ST6GALNAC3: variants seen among roughly 807,000 people sequenced by gnomAD.
ST6GALNAC3 encodes alpha-N-acetylgalactosaminide alpha-2,6-sialyltransferase 3.
ST6GALNAC3 carries 25 observed loss-of-function variants against 32.7 expected under a neutral mutation model. That is an observed-to-expected ratio of 0.76 (90% CI 0.56 to 1.07). The LOEUF is 1.07. ST6GALNAC3 is among the 50% of genes least tolerant of loss of function. The pLI, the probability that ST6GALNAC3 is intolerant of heterozygous loss-of-function variation, is 0.00. For missense variants in ST6GALNAC3, 355 were observed against 382.4 expected, an observed-to-expected ratio of 0.93 and a Z score of 0.60; for synonymous variants, 129 against 133.1, an observed-to-expected ratio of 0.97 and a Z score of 0.21.
chr1:76,288,390 A>G (rs768725708), intron 1 of ST6GALNAC3, among the ~76,000 whole-genome samples: 13 of 152,176 alleles, frequency 8.5e-5, no homozygotes, highest in Non-Finnish European at 1.6e-4. Context: ...TAGACAGCAA[A>G]CTACATCAGA....
At chr1:76,421,992 CT>C (rs1255736971) in intron 3 of ST6GALNAC3, among the ~76,000 whole-genome samples, 5 of 151,848 alleles carry the variant, frequency 3.3e-5, no homozygotes, top group African/African-American at 1.2e-4. Context: ...TTTTCCTTAC[CT>C]TGTTCTATTT....
At chr1:76,285,001 C>A (rs1393280185) in intron 1 of ST6GALNAC3, among the ~76,000 whole-genome samples, 1 of 152,104 alleles carries the variant, frequency 6.6e-6, no homozygotes, top group Non-Finnish European at 1.5e-5. Context: ...CTTCACCCAG[C>A]CAGCTCTCAG....
At chr1:76,307,897 C>T (rs760158917) in intron 1 of ST6GALNAC3, 28 of 516,048 alleles carry the variant, frequency 5.4e-5, no homozygotes, top group Non-Finnish European at 8.9e-5. Context: ...ATAGGTATTT[C>T]TCCTATGAAG....
intron 1 of ST6GALNAC3, among the ~76,000 whole-genome samples, chr1:76,272,518 T>C (rs1164477009): frequency 1.3e-5 from 2 of 152,134 alleles, no homozygotes; most frequent in African/African-American, 4.8e-5. Context: ...AGCCTCAGGC[T>C]TCCTCATTTG....
intron 1 of ST6GALNAC3, among the ~76,000 whole-genome samples, chr1:76,091,273 A>T (rs1286920966): frequency 6.6e-6 from 1 of 152,270 alleles, no homozygotes; most frequent in African/African-American, 2.4e-5. Context: ...CTATTAATGT[A>T]GGTGTTGAAA....
intron 2 of ST6GALNAC3, among the ~76,000 whole-genome samples, chr1:76,326,308 G>A (rs912500158): frequency 6.6e-6 from 1 of 152,144 alleles, no homozygotes; most frequent in African/African-American, 2.4e-5. Context: ...ATTGATCAAA[G>A]GGAGGCCCAA....
Position 76,349,220 on chromosome 1 carries a change from G to T in ST6GALNAC3, c.213+35221G>T, listed in dbSNP as rs149762229. Among the ~76,000 whole-genome samples the T allele has an allele frequency of 5.9e-4, 90 of 152,250 alleles. 1 individual carries two copies. Among genetic ancestry groups the T allele is most frequent in the African/African-American group, 2.0e-3 (84 of 41,566 alleles). On this transcript the variant is annotated intron_variant, in intron 2 of 4. Coordinates refer to ENST00000328299, the MANE Select transcript of ST6GALNAC3 (RefSeq NM_152996.4). ...GTTCAGCCTAGGTTCACCTTGGCCA[G>T]GGGTAGAGTTCCCTCTTATCACTTT...
At chr1:76,516,197 A>G (rs568962614) in intron 3 of ST6GALNAC3, among the ~76,000 whole-genome samples, 4 of 152,298 alleles carry the variant, frequency 2.6e-5, no homozygotes, top group African/African-American at 9.6e-5. Flanking sequence ...GGAAATGGGT[A>G]TGTGCAGGCC....
Position 76,139,759 on chromosome 1 carries a change from C to T in ST6GALNAC3, c.18+64875C>T, listed in dbSNP as rs78839286. ...CCTGGTTTCTAGTTCTGGTTGTGAC[C>T]CTAATCAGCCGGGCAAGTCACTTAT... is the stretch of plus-strand genomic sequence containing the variant. On this transcript the variant is annotated intron_variant, in intron 1 of 4. Transcript: ENST00000328299. Among the ~76,000 whole-genome samples the T allele has an allele frequency of 7.7e-3, 1,167 of 152,238 alleles. 14 individuals are homozygous for T. The highest frequency in any genetic ancestry group is 0.027 in the African/African-American group (1,124 of 41,524).
intron 3 of ST6GALNAC3, among the ~76,000 whole-genome samples, chr1:76,504,602 A>G (rs1282903329): frequency 6.6e-6 from 1 of 152,176 alleles, no homozygotes; most frequent in African/African-American, 2.4e-5. Flanking sequence ...AACCCAACTG[A>G]TGCTCGAGGA....
chr1:76,197,467 G>C (rs1179395326), intron 1 of ST6GALNAC3, among the ~76,000 whole-genome samples: 18 of 151,518 alleles, frequency 1.2e-4, no homozygotes, highest in African/African-American at 9.7e-5. Flanking sequence ...TGGGCTGAAG[G>C]GGGGATCTAA....
At chr1:76,110,718 C>A (rs964744729) in intron 1 of ST6GALNAC3, among the ~76,000 whole-genome samples, 3 of 152,170 alleles carry the variant, frequency 2.0e-5, no homozygotes, top group Non-Finnish European at 4.4e-5. Flanking sequence ...TCCTCATGGT[C>A]TTTGGTCCCA....
intron 3 of ST6GALNAC3, among the ~76,000 whole-genome samples, chr1:76,565,090 G>A (rs1361105943): frequency 2.0e-5 from 3 of 152,092 alleles, no homozygotes; most frequent in Non-Finnish European, 1.5e-5. Context: ...CTCTCAGTCC[G>A]GTGTCCAACG....
intron 1 of ST6GALNAC3, among the ~76,000 whole-genome samples, chr1:76,204,297 A>G (rs1654700472): frequency 6.6e-6 from 1 of 152,180 alleles, no homozygotes; most frequent in Non-Finnish European, 1.5e-5. Flanking sequence ...ATTGATGGGC[A>G]CTTAGGTTGA....
intron 3 of ST6GALNAC3, among the ~76,000 whole-genome samples, chr1:76,418,260 T>C (rs2101352793): frequency 6.6e-6 from 1 of 152,268 alleles, no homozygotes; most frequent in East Asian, 1.9e-4. Context: ...TGCAAACCTT[T>C]AGTAATATCT....
chr1:76,251,928 C>A (rs1477145280), intron 1 of ST6GALNAC3, among the ~76,000 whole-genome samples: 2 of 152,118 alleles, frequency 1.3e-5, no homozygotes, highest in East Asian at 3.8e-4. Flanking sequence ...ATTTGCTGAA[C>A]TAATTATGAT....
intron 1 of ST6GALNAC3, among the ~76,000 whole-genome samples, chr1:76,304,411 A>G (rs534547838): frequency 4.9e-4 from 65 of 133,086 alleles, no homozygotes; most frequent in Middle Eastern, 3.5e-3. Flanking sequence ...ACCCTTATCC[A>G]TGAACTAGAA....
intron 1 of ST6GALNAC3, among the ~76,000 whole-genome samples, chr1:76,184,158 AC>A (rs1482972472): frequency 3.3e-5 from 5 of 152,098 alleles, no homozygotes; most frequent in African/African-American, 1.2e-4. Flanking sequence ...TGAACCAAAA[AC>A]ATCTCCATAG....
chr1:76,191,332 C>T (rs963838943), intron 1 of ST6GALNAC3, among the ~76,000 whole-genome samples: 24 of 151,796 alleles, frequency 1.6e-4, no homozygotes, highest in African/African-American at 5.8e-4. Flanking sequence ...AGAAACAAAC[C>T]GAGTAGAACC....
Sources: gnomAD v4.1 joint callset for allele counts (sites outside exome capture counted in the v4.1 genomes callset) on GRCh38, gnomAD v4.1.1 for gene constraint, MANE v1.5 for transcripts, NCBI Gene and HGNC (gene_info 2026-07-23, HGNC 2026-07-21) for gene names.